The following PEBP4 variants were observed in gnomAD, a reference collection of about 807,000 sequenced individuals.
The protein encoded by PEBP4 is phosphatidylethanolamine-binding protein 4.
In PEBP4, 22 loss-of-function variants were observed where a neutral mutation model predicts 23.9. The observed-to-expected ratio is 0.92, with a 90% CI of 0.66 to 1.31. The LOEUF (loss-of-function observed/expected upper bound fraction) is 1.31, where lower values mean the gene tolerates loss of function less well. PEBP4 is among the 40% of genes most tolerant of loss of function. The probability of loss-of-function intolerance (pLI) is 0.00; values close to 1 mark genes in which losing one functional copy is unlikely to be tolerated. For missense variants in PEBP4, 324 were observed against 281.7 expected (o/e 1.15, Z -1.07); for synonymous variants, 112 against 99.3 (o/e 1.13, Z -0.76).
chr8:22,840,603 A>T (rs1807305379), intron 3 of PEBP4, among the ~76,000 whole-genome samples: 1 of 152,036 alleles, frequency 6.6e-6, no homozygotes, highest in Non-Finnish European at 1.5e-5. Context: ...CCTGTTGAGA[A>T]ATTTTCAGAG....
intron 1 of PEBP4, among the ~76,000 whole-genome samples, chr8:22,933,569 G>T (rs73218773): frequency 0.11 from 16,859 of 152,222 alleles, 1,224 homozygotes; most frequent in Non-Finnish European, 0.16. Context: ...TCCAGCAAAA[G>T]TATCTTCCAA....
At chr8:22,724,256 G>A (rs1190589799) in intron 6 of PEBP4, among the ~76,000 whole-genome samples, 1 of 152,178 alleles carries the variant, frequency 6.6e-6, no homozygotes, top group Non-Finnish European at 1.5e-5. Context: ...CTGGTGGCAG[G>A]AGGACCGAGG....
intron 4 of PEBP4, among the ~76,000 whole-genome samples, chr8:22,741,659 C>G (rs76367528): frequency 6.6e-6 from 1 of 152,230 alleles, no homozygotes; most frequent in Non-Finnish European, 1.5e-5. Flanking sequence ...GGGTGGCTGT[C>G]TGTTAAGGGC....
rs925901449 is a variant in PEBP4 at position 22,865,813 on chromosome 8, G to C, written c.259-48078C>G. 6.6e-6 allele frequency among the ~76,000 whole-genome samples: 1 copy of C among 152,194 alleles called. No individual in the cohort carries two copies. The highest frequency in any genetic ancestry group is 1.5e-5 in the Non-Finnish European group (1 of 68,022). ...CCGGGGGCGCGAGCGGCGGCGCCTAGAGGGACCCCCACCCCGGGCTCGAAC... is the reference window on the plus strand; with the variant it reads ...CCGGGGGCGCGAGCGGCGGCGCCTACAGGGACCCCCACCCCGGGCTCGAAC... On this transcript the variant is annotated intron_variant, in intron 3 of 6. Coordinates refer to ENST00000256404, the MANE Select transcript of PEBP4 (RefSeq NM_144962.3). The surrounding 1 kb of genome is among the most constrained non-coding windows in gnomAD (Gnocchi z 6.9).
intron 4 of PEBP4, among the ~76,000 whole-genome samples, chr8:22,763,597 G>A (rs540412746): frequency 4.6e-5 from 7 of 152,160 alleles, no homozygotes; most frequent in Non-Finnish European, 7.4e-5. Flanking sequence ...GGAACAATGC[G>A]AGTGTCTGCC....
upstream of PEBP4, among the ~76,000 whole-genome samples, chr8:22,931,270 T>C (rs1809452338): frequency 6.6e-6 from 1 of 152,196 alleles, no homozygotes; most frequent in Non-Finnish European, 1.5e-5. Flanking sequence ...TTCACCCTTT[T>C]AATATATATA....
intron 4 of PEBP4, among the ~76,000 whole-genome samples, chr8:22,751,215 G>A (rs1046170649): frequency 2.6e-5 from 4 of 152,152 alleles, no homozygotes; most frequent in South Asian, 2.1e-4. Flanking sequence ...GTGACCACTC[G>A]GAACTAAGAT....
intron 4 of PEBP4, among the ~76,000 whole-genome samples, chr8:22,727,554 T>C (rs1159690468): frequency 1.3e-5 from 2 of 152,110 alleles, no homozygotes; most frequent in Non-Finnish European, 2.9e-5. Flanking sequence ...ACGATCCCTA[T>C]TGGTGCCTGA....
At chr8:22,914,854 C>T (rs1809036680) in intron 3 of PEBP4, among the ~76,000 whole-genome samples, 1 of 152,110 alleles carries the variant, frequency 6.6e-6, no homozygotes, top group African/African-American at 2.4e-5. Context: ...TCTCTGTGTC[C>T]CCTTCTTGGT....
chr8:22,843,926 C>T (rs1807375589), intron 3 of PEBP4, among the ~76,000 whole-genome samples: 1 of 152,190 alleles, frequency 6.6e-6, no homozygotes, highest in Non-Finnish European at 1.5e-5. Flanking sequence ...AAGCACTTCG[C>T]TCTTGGGGCC....
intron 3 of PEBP4, among the ~76,000 whole-genome samples, chr8:22,819,371 T>C (rs1055803199): frequency 6.6e-6 from 1 of 152,214 alleles, no homozygotes; most frequent in Non-Finnish European, 1.5e-5. Flanking sequence ...ACAATCTGAT[T>C]TGACAACTTG....
chr8:22,793,642 G>A (rs1362915297), intron 4 of PEBP4, among the ~76,000 whole-genome samples: 4 of 152,058 alleles, frequency 2.6e-5, no homozygotes, highest in Non-Finnish European at 5.9e-5. Flanking sequence ...GGACAAATTG[G>A]TCATTTCTAA....
At chr8:22,824,218 T>C (rs2128762962) in intron 3 of PEBP4, among the ~76,000 whole-genome samples, 1 of 152,344 alleles carries the variant, frequency 6.6e-6, no homozygotes, top group Non-Finnish European at 1.5e-5. Flanking sequence ...CCAAAGTTTA[T>C]GCAATAAAAT....
chr8:22,786,149 G>A (rs750064409), intron 4 of PEBP4, among the ~76,000 whole-genome samples: 96 of 152,124 alleles, frequency 6.3e-4, no homozygotes, highest in Non-Finnish European at 9.1e-4. Context: ...ACACTAAACC[G>A]TTTGTTCTGG....
chr8:22,716,782 T>C (rs1804428119), intron 6 of PEBP4, among the ~76,000 whole-genome samples: 1 of 152,184 alleles, frequency 6.6e-6, no homozygotes, highest in Non-Finnish European at 1.5e-5. Flanking sequence ...GAATGGGGGA[T>C]CGGCTCCCCT....
At chr8:22,755,326 C>CTTTTTTTTTTT (rs547269095) in intron 4 of PEBP4, among the ~76,000 whole-genome samples, 2 of 114,592 alleles carry the variant, frequency 1.7e-5, no homozygotes, top group Admixed American at 9.3e-5. Context: ...TTCTCTCCCT[C>CTTTTTTTTTTT]TTTTTTTTTT....
At chr8:22,821,122 G>C (rs1422753115) in intron 3 of PEBP4, among the ~76,000 whole-genome samples, 2 of 152,172 alleles carry the variant, frequency 1.3e-5, no homozygotes, top group East Asian at 3.9e-4. Flanking sequence ...GAGCCCAGGA[G>C]GGTGCAGTGA....
At chr8:22,724,712 C>G in intron 6 of PEBP4, 131 bp downstream of exon 6, 1 of 679,260 alleles carries the variant, frequency 1.5e-6, no homozygotes, top group Admixed American at 2.5e-5. Flanking sequence ...CCAAGAAACA[C>G]CAGCCTTCGA....
intron 3 of PEBP4, among the ~76,000 whole-genome samples, chr8:22,842,926 C>G (rs1442962533): frequency 1.3e-5 from 2 of 152,200 alleles, no homozygotes; most frequent in Non-Finnish European, 2.9e-5. Context: ...CTCCCAGGTT[C>G]AAGTGATTCT....
Sources: allele counts gnomAD v4.1 joint callset (sites outside exome capture counted in the v4.1 genomes callset), GRCh38; gene constraint gnomAD v4.1.1; non-coding constraint Gnocchi (gnomAD v3.1); transcripts MANE v1.5; gene names NCBI Gene and HGNC (gene_info 2026-07-23, HGNC 2026-07-21).